OR5B2: variants seen among roughly 807,000 people sequenced by gnomAD.
OR5B2 encodes the protein olfactory receptor 5B2.
For missense variants in OR5B2, 411 were observed against 367.0 expected (o/e 1.12, Z -0.98); for synonymous variants, 163 against 140.8 (o/e 1.16, Z -1.11).
At position 58,423,035 on chromosome 11, in the gene OR5B2, G is replaced by C. The variant is rs1006265028; in HGVS notation, c.227C>G (p.Thr76Ser). The C allele has an allele frequency of 6.2e-7, 1 of 1,613,606 alleles. No homozygotes were observed. Residue 76 changes from threonine (T) to serine (S), a missense_variant, in exon 3 of 3, where the codon ACT (threonine) becomes AGT (serine). By Grantham distance (58) the Thr-to-Ser change is moderately conservative. Transcript: ENST00000641342. ...AAGGAACCCAGCCATGACCTTGGGA[G>C]TGACAGCTGAGGAGTATCCAAAGTC... ...LVDFGYSSAV[T>S]PKVMAGFLRG...
chr11:58,426,483 G>C (rs921088267), intron 2 of OR5B2, 139 bp downstream of exon 2: 1 of 152,066 alleles, frequency 6.6e-6, no homozygotes, highest in Non-Finnish European at 1.5e-5. Context: ...GCTAAATAGC[G>C]TGATAGCATG....
Position 58,423,138 on chromosome 11 carries a change from C to T in OR5B2, c.124G>A (p.Gly42Arg). ...IYLLTLCGNL[G>R]MMLLILMDSC... Reference sequence around the variant, plus strand: ...TCCATCAGGATCAGCAACATCATCCCCAGGTTCCCACACAGAGTGAGGAGG... The same window carrying T: ...TCCATCAGGATCAGCAACATCATCCTCAGGTTCCCACACAGAGTGAGGAGG... Residue 42 changes from glycine (G) to arginine (R), a missense_variant, in exon 3 of 3, where the codon GGG becomes AGG. Coordinates refer to ENST00000641342, the MANE Select transcript of OR5B2 (RefSeq NM_001005566.3). 1 of 1,613,572 alleles carries T rather than the reference C, an allele frequency of 6.2e-7. No individual in the cohort carries two copies. The highest frequency in any genetic ancestry group is 1.1e-5 in the South Asian group (1 of 91,054).
In OR5B2 at chr11:58,422,686, A is replaced by G. The variant is rs1239480118; in HGVS notation, c.576T>C (p.Thr192=). The part of the protein sequence containing the change: ...VMALSCSDKH[T]SEVILVFMSS... ...ACATAAAAACCAGAATCACCTCACT[A>G]GTGTGTTTATCAGAGCAAGACAGAG... Residue 192 remains threonine, a synonymous_variant, in exon 3 of 3, where the codon ACT becomes ACC. Transcript: ENST00000641342. 1 of 1,613,562 alleles carries G rather than the reference A, an allele frequency of 6.2e-7. No individual in the cohort carries two copies. Among genetic ancestry groups the G allele is most frequent in the Non-Finnish European group, 8.5e-7 (1 of 1,179,654 alleles).
Position 58,422,861 on chromosome 11 carries a change from ATGG to A in OR5B2, c.398_400del (p.Thr133del), listed in dbSNP as rs1476109700. On this transcript the variant is annotated inframe_deletion, in exon 3 of 3. Transcript: ENST00000641342. ...CAGACAGGCACCTACACTGGCCGTCATGGTGGTGGTGTAGTGTAGGGGTTTGCA... is the reference window on the plus strand; with the variant it reads ...CAGACAGGCACCTACACTGGCCGTCATGGTGGTGTAGTGTAGGGGTTTGCA... The A allele has an allele frequency of 6.2e-7, 1 of 1,613,782 alleles. No individual in the cohort carries two copies. Among genetic ancestry groups the A allele is most frequent in the South Asian group, 1.1e-5 (1 of 91,066 alleles).
At chr11:58,425,002 T>C (rs1039843889) in intron 2 of OR5B2, among the ~76,000 whole-genome samples, 2 of 152,110 alleles carry the variant, frequency 1.3e-5, no homozygotes, top group Non-Finnish European at 2.9e-5. Context: ...AGATTCACAA[T>C]TGAAACCAAG....
intron 2 of OR5B2, among the ~76,000 whole-genome samples, chr11:58,425,600 T>C (rs1468292537): frequency 6.6e-6 from 1 of 151,860 alleles, no homozygotes; most frequent in African/African-American, 2.4e-5. Context: ...CAGGTAGTGG[T>C]CAAAAAAAGC....
At chr11:58,424,365 A>T (rs561285049) in intron 2 of OR5B2, among the ~76,000 whole-genome samples, 1 of 152,194 alleles carries the variant, frequency 6.6e-6, no homozygotes, top group African/African-American at 2.4e-5. Context: ...CTCACATACC[A>T]GGGCTACTGA....
Position 58,422,908 on chromosome 11 carries a change from A to G in OR5B2, c.354T>C (p.Tyr118=). The change falls in exon 3 of 3, where the codon TAT becomes TAC. Residue 118 remains tyrosine, a synonymous_variant. Transcript: ENST00000641342. ...VENYLLASMA[Y]DRYAAVCKPL... The stretch of plus-strand genomic sequence containing the variant: ...GTTTGCACACTGCTGCATAGCGGTC[A>G]TAGGCCATTGAGGCCAACAAGTAAT... 6.2e-7 allele frequency: 1 copy of G among 1,613,854 alleles called. No homozygotes were observed. Among genetic ancestry groups the G allele is most frequent in the East Asian group, 2.2e-5 (1 of 44,856 alleles).
rs1855285665 is a variant in OR5B2, at chr11:58,422,447, G to A, written c.815C>T (p.Ala272Val). 6.2e-7 allele frequency: 1 copy of A among 1,613,242 alleles called. No individual in the cohort carries two copies. Among genetic ancestry groups the A allele is most frequent in the Non-Finnish European group, 8.5e-7 (1 of 1,179,368 alleles). The change falls in exon 3 of 3, where the codon GCA becomes GTA. Residue 272 changes from alanine (A) to valine (V), a missense_variant. Ala to Val is a moderately conservative substitution (Grantham distance 64). Coordinates refer to ENST00000641342, the MANE Select transcript of OR5B2 (RefSeq NM_001005566.3). ...SSHSMDTDKM[A>V]SVFYAMIIPM... ...GATGATCATAGCATAGAACACAGAT[G>A]CCATTTTGTCTGTGTCCATGGAGTG...
intron 2 of OR5B2, among the ~76,000 whole-genome samples, chr11:58,425,900 A>G (rs1855331196): frequency 6.6e-6 from 1 of 152,090 alleles, no homozygotes; most frequent in African/African-American, 2.4e-5. Flanking sequence ...CACAATGTAA[A>G]TCGTGTGGAC....
intron 2 of OR5B2, among the ~76,000 whole-genome samples, chr11:58,425,294 C>T (rs188198583): frequency 2.6e-4 from 40 of 152,070 alleles, no homozygotes; most frequent in African/African-American, 9.6e-4. Flanking sequence ...TTTAGGGAAG[C>T]AGTATCACTG....
In OR5B2 at chr11:58,422,922, C is replaced by T. The variant is rs370047475; in HGVS notation, c.340G>A (p.Ala114Thr). 6.8e-6 allele frequency: 11 copies of T among 1,613,718 alleles called. No individual in the cohort carries two copies. Among genetic ancestry groups the T allele is most frequent in the East Asian group, 2.2e-5 (1 of 44,856 alleles). The change falls in exon 3 of 3, where the codon GCC (alanine) becomes ACC (threonine). Residue 114 changes from alanine to threonine, a missense_variant. Coordinates refer to ENST00000641342, the MANE Select transcript of OR5B2 (RefSeq NM_001005566.3). The part of the protein sequence containing the change: ...ALATVENYLL[A>T]SMAYDRYAAV... The stretch of plus-strand genomic sequence containing the variant: ...GCATAGCGGTCATAGGCCATTGAGG[C>T]CAACAAGTAATTTTCCACCGTGGCC...
rs1250463429 is a variant in OR5B2, at chr11:58,421,448, T to C, written c.*884A>G. ...CAATATGGAAAGGTTACATACCATA[T>C]GATTTTAACTATATGACATTCTGGA... On this transcript the variant is annotated 3_prime_UTR_variant, in exon 3 of 3. Transcript: ENST00000641342. 6.6e-6 allele frequency: 1 copy of C among 152,142 alleles called. No homozygotes were observed. The highest frequency in any genetic ancestry group is 1.5e-5 in the Non-Finnish European group (1 of 68,014). The allele number at this position is 152,142 out of a possible 1,614,324, so 9.4% of individuals were successfully genotyped here.
chr11:58,427,655 A>G (rs889446125), intron 1 of OR5B2, among the ~76,000 whole-genome samples: 11 of 152,188 alleles, frequency 7.2e-5, no homozygotes, highest in African/African-American at 2.7e-4. Context: ...AAAGTGAAAG[A>G]AAACTTTGTA....
Position 58,422,850 on chromosome 11 carries a change from C to A in OR5B2, c.412G>T (p.Val138Leu). The A allele has an allele frequency of 6.2e-7, 1 of 1,613,726 alleles. No homozygotes were observed. Among genetic ancestry groups the A allele is most frequent in the Non-Finnish European group, 8.5e-7 (1 of 1,179,820 alleles). ...GAGCCTAGGGCCAGACAGGCACCTA[C>A]ACTGGCCGTCATGGTGGTGGTGTAG... ...LHYTTTMTAS[V>L]GACLALGSYV... The change falls in exon 3 of 3, where the codon GTA (valine) becomes TTA (leucine). Residue 138 changes from valine to leucine, a missense_variant. Transcript: ENST00000641342.
intron 1 of OR5B2, among the ~76,000 whole-genome samples, chr11:58,426,994 C>G (rs1485277183): frequency 6.6e-6 from 1 of 151,918 alleles, no homozygotes; most frequent in Non-Finnish European, 1.5e-5. Context: ...AATAAGGCCA[C>G]TTAGTACAAT....
intron 1 of OR5B2, among the ~76,000 whole-genome samples, chr11:58,427,178 C>T (rs1855347830): frequency 6.6e-6 from 1 of 152,120 alleles, no homozygotes; most frequent in African/African-American, 2.4e-5. Flanking sequence ...ACAAGTTACC[C>T]ATGAGAATAA....
chr11:58,423,629 T>A (rs1321425851), intron 2 of OR5B2, among the ~76,000 whole-genome samples: 2 of 152,190 alleles, frequency 1.3e-5, no homozygotes, highest in African/African-American at 4.8e-5. Context: ...ACATTTATGT[T>A]GCTCACATAC....
At position 58,422,317 on chromosome 11, in the gene OR5B2, G is replaced by C. The variant is rs761452334; in HGVS notation, c.*15C>G. 1 of 1,553,098 alleles carries C rather than the reference G, an allele frequency of 6.4e-7. No homozygotes were observed. Among genetic ancestry groups the C allele is most frequent in the South Asian group, 1.1e-5 (1 of 88,690 alleles). On this transcript the variant is annotated 3_prime_UTR_variant, in exon 3 of 3. Coordinates refer to ENST00000641342, the MANE Select transcript of OR5B2 (RefSeq NM_001005566.3). ...ACAACATTTTTGTGTATACAACAAT[G>C]TTAAAATTCCAAACTTATAGAAATT...
Sources: gnomAD v4.1 joint callset for allele counts (sites outside exome capture counted in the v4.1 genomes callset) on GRCh38, gnomAD v4.1.1 for gene constraint, MANE v1.5 for transcripts, NCBI Gene and HGNC (gene_info 2026-07-23, HGNC 2026-07-21) for gene names.